Variants in BTD observed in about 807,000 individuals in gnomAD.
BTD encodes biocytinase.
BTD carries 13 observed loss-of-function variants against 17.7 expected under a neutral mutation model. The ratio of observed to expected loss-of-function variants is 0.74; its 90% CI spans 0.48 to 1.17. The LOEUF (loss-of-function observed/expected upper bound fraction) is 1.17. Among genes scored for constraint, BTD ranks in the 50% most tolerant of loss-of-function variants. The probability of loss-of-function intolerance (pLI) is 0.00; values close to 1 mark genes in which losing one functional copy is unlikely to be tolerated. For missense variants in BTD, 674 were observed against 650.4 expected (o/e 1.04, Z -0.39); for synonymous variants, 240 against 245.2 (o/e 0.98, Z 0.20).
chr3:15,617,663 A>G (rs2064833440), intron 1 of BTD, among the ~76,000 whole-genome samples: 2 of 152,234 alleles, frequency 1.3e-5, no homozygotes, highest in Non-Finnish European at 2.9e-5. Flanking sequence ...CTGAGGTAGA[A>G]GAATTGCTTG....
At chr3:15,692,144 T>TAAAAAAA (rs908039642) in intron 3 of BTD, among the ~76,000 whole-genome samples, 1 of 98,880 alleles carries the variant, frequency 1.0e-5, no homozygotes. Context: ...TATCTCTAAA[T>TAAAAAAA]AAAAAAAAAA....
chr3:15,714,316 A>T (rs1456073640), downstream of BTD, among the ~76,000 whole-genome samples: 19 of 152,100 alleles, frequency 1.2e-4, no homozygotes, highest in Admixed American at 1.2e-3. Context: ...TCTATTTAGC[A>T]ATATTGAAAA....
At chr3:15,690,365 A>C in intron 3 of BTD, 1 of 670,308 alleles carries the variant, frequency 1.5e-6, no homozygotes, top group Non-Finnish European at 2.4e-6. Flanking sequence ...GAATTCAGGA[A>C]GTTAACTACA....
chr3:15,720,983 C>T lies in BTD; in HGVS notation c.1016-787C>T, dbSNP rs752643712. 11 of 1,613,786 alleles carry T rather than the reference C, an allele frequency of 6.8e-6. No individual in the cohort carries two copies. The African/African-American group carries it at 8.0e-5, about 12-fold the overall frequency. ...CACAATGCTCCATGTGTTGATGCAGCAGCAAAGTGCAAAGGAGTAAATCCT... is the reference window on the plus strand; with the variant it reads ...CACAATGCTCCATGTGTTGATGCAGTAGCAAAGTGCAAAGGAGTAAATCCT... On this transcript the variant is annotated intron_variant, in intron 4 of 4. Transcript: ENST00000672427.
At chr3:15,656,918 A>T (rs1467076396), downstream of BTD, among the ~76,000 whole-genome samples, 4 of 152,136 alleles carry the variant, frequency 2.6e-5, no homozygotes, top group African/African-American at 9.7e-5. Context: ...TTGCTCATGA[A>T]TTTGGGAAGG....
chr3:15,677,169 C>T (rs946704312), intron 3 of BTD: 2 of 824,536 alleles, frequency 2.4e-6, no homozygotes, highest in Admixed American at 5.0e-5. Context: ...ATACATATAC[C>T]ATGAATTTTC....
chr3:15,620,684 A>G (rs562149778), intron 1 of BTD, among the ~76,000 whole-genome samples: 1 of 152,390 alleles, frequency 6.6e-6, no homozygotes, highest in Non-Finnish European at 1.5e-5. Flanking sequence ...ATAAGAAATT[A>G]TAAAAGTGTT....
At chr3:15,668,836 G>A (rs1033629023) in intron 3 of BTD, 7 of 152,536 alleles carry the variant, frequency 4.6e-5, no homozygotes, top group African/African-American at 1.7e-4. Context: ...AAAGTTTCCA[G>A]TTTCACAATA....
chr3:15,638,382 C>T (rs951022302), intron 2 of BTD, among the ~76,000 whole-genome samples: 1 of 152,120 alleles, frequency 6.6e-6, no homozygotes, highest in East Asian at 1.9e-4. Context: ...GCAGCCCTGA[C>T]GTATTAATAC....
intron 1 of BTD, among the ~76,000 whole-genome samples, chr3:15,627,397 A>C (rs997159060): frequency 3.9e-5 from 6 of 152,056 alleles, no homozygotes; most frequent in Non-Finnish European, 7.4e-5. Context: ...TAATTAAAAA[A>C]ATTTTTTTTT....
intron 3 of BTD, chr3:15,689,891 C>T (rs2068589617): frequency 1.7e-5 from 13 of 764,340 alleles, no homozygotes; most frequent in South Asian, 2.1e-5. Context: ...TCAAATAATC[C>T]ATATATGATT....
intron 3 of BTD, chr3:15,642,301 T>C: frequency 7.1e-7 from 1 of 1,402,874 alleles, no homozygotes. Flanking sequence ...CAGGAATGTA[T>C]ACTTAAACCA....
At chr3:15,680,103 A>G (rs2067382184) in intron 3 of BTD, among the ~76,000 whole-genome samples, 1 of 151,940 alleles carries the variant, frequency 6.6e-6, no homozygotes, top group South Asian at 2.1e-4. Flanking sequence ...TGACTGTGCT[A>G]TTTTTTTATT....
chr3:15,608,621 C>G (rs1346365550), intron 1 of BTD, among the ~76,000 whole-genome samples: 1 of 152,108 alleles, frequency 6.6e-6, no homozygotes, highest in Non-Finnish European at 1.5e-5. Flanking sequence ...CAAAAATTAG[C>G]TGGGCATGGT....
intron 1 of BTD, among the ~76,000 whole-genome samples, chr3:15,606,042 C>CA (rs11369757): frequency 0.49 from 31,866 of 64,556 alleles, 7,785 homozygotes; most frequent in Middle Eastern, 0.58. Flanking sequence ...GACCCTGTCT[C>CA]AAAAAAAAAA....
At chr3:15,634,145 G>A (rs1008755113) in intron 1 of BTD, among the ~76,000 whole-genome samples, 3 of 152,138 alleles carry the variant, frequency 2.0e-5, no homozygotes, top group Admixed American at 6.5e-5. Flanking sequence ...GTCTGTTGAC[G>A]AAAAGAGCTA....
At chr3:15,655,487 A>G (rs780421081), downstream of BTD, among the ~76,000 whole-genome samples, 3 of 152,238 alleles carry the variant, frequency 2.0e-5, no homozygotes, top group Non-Finnish European at 4.4e-5. Context: ...GACATATGTC[A>G]CAAAACAGAT....
chr3:15,608,598 T>C (rs964972313), intron 1 of BTD, among the ~76,000 whole-genome samples: 2 of 152,070 alleles, frequency 1.3e-5, no homozygotes, highest in Admixed American at 1.3e-4. Context: ...AAACCCCGTC[T>C]CTACTAAAAA....
chr3:15,707,341 C>A (rs1262753249), intron 3 of BTD, among the ~76,000 whole-genome samples: 1 of 152,126 alleles, frequency 6.6e-6, no homozygotes, highest in African/African-American at 2.4e-5. Context: ...ACAGTTTATG[C>A]ATCATTTATT....
Sources: allele counts gnomAD v4.1 joint callset (sites outside exome capture counted in the v4.1 genomes callset), GRCh38; gene constraint gnomAD v4.1.1; transcripts MANE v1.5; gene names NCBI Gene and HGNC (gene_info 2026-07-23, HGNC 2026-07-21).